The following SDK2 variants were observed in gnomAD, a reference collection of about 807,000 sequenced individuals.
SDK2 encodes protein sidekick-2.
SDK2 carries 105 observed loss-of-function variants against 253.9 expected under a neutral mutation model. That is an observed-to-expected ratio of 0.41 (90% CI 0.35 to 0.49). The LOEUF is 0.49. SDK2 is among the 20% of genes least tolerant of loss of function. The pLI, the probability that SDK2 is intolerant of heterozygous loss-of-function variation, is 0.06. For synonymous variants in SDK2, 1,249 were observed against 1,234.9 expected, an observed-to-expected ratio of 1.01 and a Z score of -0.24; for missense variants, 2,608 against 3,003.0, an observed-to-expected ratio of 0.87 and a Z score of 3.07.
At chr17:73,606,951 A>G (rs1167028411) in intron 1 of SDK2, among the ~76,000 whole-genome samples, 1 of 152,140 alleles carries the variant, frequency 6.6e-6, no homozygotes, top group African/African-American at 2.4e-5. Context: ...CAAGATGGAA[A>G]AGCATTGGAA....
chr17:73,436,533 T>G (rs892868708), intron 8 of SDK2, among the ~76,000 whole-genome samples: 16 of 135,626 alleles, frequency 1.2e-4, no homozygotes, highest in African/African-American at 4.3e-4. Flanking sequence ...GCCAAGATCG[T>G]GCCACTGCAC....
At position 73,352,594 on chromosome 17, in the gene SDK2, C is replaced by T. The variant is rs1172353927; in HGVS notation, c.5637G>A (p.Glu1879=). 2 of 1,614,020 alleles carry T rather than the reference C, an allele frequency of 1.2e-6. No individual in the cohort carries two copies. Among genetic ancestry groups the T allele is most frequent in the Non-Finnish European group, 1.7e-6 (2 of 1,179,894 alleles). ...CCATGCTGAACGTGTAGGAGCTCACCTCCTTGGGGATGTCTTTGATGAGGA... is the reference window on the plus strand; with the variant it reads ...CCATGCTGAACGTGTAGGAGCTCACTTCCTTGGGGATGTCTTTGATGAGGA... The part of the protein sequence containing the change: ...WDILIKDIPK[E]VSSYTFSMDI... The change falls in exon 41 of 45, where the codon GAG becomes GAA. Residue 1879 remains glutamate (E), a synonymous_variant. Transcript: ENST00000392650. This position sits in a 1 kb window ranked among gnomAD's most constrained non-coding sequence, Gnocchi z 4.1.
intron 1 of SDK2, among the ~76,000 whole-genome samples, chr17:73,555,375 G>A (rs966293177): frequency 5.6e-4 from 85 of 152,356 alleles, no homozygotes; most frequent in Non-Finnish European, 1.5e-4. Context: ...CATGTGAATG[G>A]GAGTATTCCT....
intron 31 of SDK2, 145 bp from the exon 32 acceptor site, chr17:73,386,062 A>C: frequency 1.7e-6 from 1 of 600,496 alleles, no homozygotes; most frequent in South Asian, 2.0e-5. Flanking sequence ...CGATTTCTGC[A>C]GAACAAAGGG....
Position 73,379,110 on chromosome 17 carries a change from T to C in SDK2, c.4980+67A>G. On this transcript the variant is annotated intron_variant, in intron 36 of 44. Coordinates refer to ENST00000392650, the MANE Select transcript of SDK2 (RefSeq NM_001144952.2). The surrounding 1 kb of genome is among the most constrained non-coding windows in gnomAD (Gnocchi z 4.5). Reference sequence around the variant, plus strand: ...GACCTGCCTGCCTCCCACATATCACTCACTCCCCAGCCTCCGACCTGGCTT... The same window carrying C: ...GACCTGCCTGCCTCCCACATATCACCCACTCCCCAGCCTCCGACCTGGCTT... 1 of 1,216,374 alleles carries C rather than the reference T, an allele frequency of 8.2e-7. No individual in the cohort carries two copies. Among genetic ancestry groups the C allele is most frequent in the East Asian group, 2.6e-5 (1 of 38,828 alleles). The allele number at this position is 1,216,374 out of a possible 1,614,324, so 75.3% of individuals were successfully genotyped here. A position where few individuals can be genotyped will look rare whatever the true frequency, so the allele number is the denominator to read the frequency against.
At chr17:73,536,185 C>G (rs1165781474) in intron 1 of SDK2, among the ~76,000 whole-genome samples, 1 of 152,142 alleles carries the variant, frequency 6.6e-6, no homozygotes, top group East Asian at 1.9e-4. Context: ...TATAGCAGGT[C>G]TGGGTGGGCC....
intron 1 of SDK2, among the ~76,000 whole-genome samples, chr17:73,607,452 G>A (rs978037995): frequency 7.9e-5 from 12 of 152,106 alleles, no homozygotes; most frequent in South Asian, 2.1e-4. Context: ...GGGATCTACC[G>A]GGGGACCCTT....
At chr17:73,552,673 C>T (rs543877557) in intron 1 of SDK2, among the ~76,000 whole-genome samples, 14 of 152,288 alleles carry the variant, frequency 9.2e-5, no homozygotes, top group South Asian at 2.1e-4. Context: ...TGGCAGGATA[C>T]GGGGGAACAG....
At chr17:73,359,655 TC>T (rs1294908225) in intron 39 of SDK2, among the ~76,000 whole-genome samples, 1 of 152,144 alleles carries the variant, frequency 6.6e-6, no homozygotes, top group Non-Finnish European at 1.5e-5. Context: ...CTTCTTTATT[TC>T]TTTTTTTGAG....
chr17:73,463,860 C>G (rs2063580344), intron 3 of SDK2, among the ~76,000 whole-genome samples: 1 of 152,164 alleles, frequency 6.6e-6, no homozygotes, highest in African/African-American at 2.4e-5. Flanking sequence ...CTAAGAGAAT[C>G]TCTAAGGTAT....
intron 1 of SDK2, among the ~76,000 whole-genome samples, chr17:73,573,238 G>A (rs912346343): frequency 6.6e-6 from 1 of 152,206 alleles, no homozygotes; most frequent in Non-Finnish European, 1.5e-5. Flanking sequence ...GTGGGTGCAC[G>A]AGGTGGCTCG....
chr17:73,355,365 G>T (rs1178470339), intron 40 of SDK2, among the ~76,000 whole-genome samples: 1 of 146,826 alleles, frequency 6.8e-6, no homozygotes, highest in African/African-American at 2.5e-5. Context: ...TATTTATTTA[G>T]AGACAGAGTC....
At chr17:73,625,216 C>T (rs1292686013) in intron 1 of SDK2, among the ~76,000 whole-genome samples, 2 of 152,154 alleles carry the variant, frequency 1.3e-5, no homozygotes, top group African/African-American at 4.8e-5. Context: ...AAGCAGGCAC[C>T]AGGGCGCGAG....
At chr17:73,611,306 G>T (rs1213263593) in intron 1 of SDK2, among the ~76,000 whole-genome samples, 2 of 152,168 alleles carry the variant, frequency 1.3e-5, no homozygotes, top group Non-Finnish European at 2.9e-5. Context: ...TCCTTTCCTG[G>T]CACTTTCTAC....
At position 73,618,718 on chromosome 17, in the gene SDK2, G is replaced by A. The variant is rs114435023; in HGVS notation, c.64+25307C>T. Reference sequence around the variant, plus strand: ...TTAGACAGGCAACTTCCTATTCCCCGATCACCCCTGCCATCCTCACGGCCA... The same window carrying A: ...TTAGACAGGCAACTTCCTATTCCCCAATCACCCCTGCCATCCTCACGGCCA... On this transcript the variant is annotated intron_variant, in intron 1 of 44. Coordinates refer to ENST00000392650, the MANE Select transcript of SDK2 (RefSeq NM_001144952.2). The surrounding 1 kb of genome is among the most constrained non-coding windows in gnomAD (Gnocchi z 4.1). Among the ~76,000 whole-genome samples the A allele has an allele frequency of 8.7e-3, 1,321 of 152,228 alleles. 9 individuals are homozygous for A. The highest frequency in any genetic ancestry group is 0.028 in the African/African-American group (1,162 of 41,534).
Position 73,350,737 on chromosome 17 carries a change from G to A in SDK2, c.5812C>T (p.Leu1938=), listed in dbSNP as rs978695707. 1.1e-5 allele frequency: 17 copies of A among 1,613,326 alleles called. No homozygotes were observed. Among genetic ancestry groups the A allele is most frequent in the East Asian group, 6.7e-5 (3 of 44,890 alleles). The part of the protein sequence containing the change: ...EEWWFLVVIA[L]VGLIFILLLV... ...AGCAGGATGAAGATGAGGCCGACCA[G>A]GGCAATGACCACCAAGAACCACCAC... Residue 1938 remains leucine, a synonymous_variant, in exon 42 of 45, where the codon CTG becomes TTG. Transcript: ENST00000392650.
chr17:73,626,068 C>T (rs540946653), intron 1 of SDK2, among the ~76,000 whole-genome samples: 4 of 143,732 alleles, frequency 2.8e-5, no homozygotes, highest in African/African-American at 4.9e-5. Flanking sequence ...GAGCACTGAG[C>T]GAGACAGAGC....
rs534762701 is a variant in SDK2, at chr17:73,612,374, C to A, written c.64+31651G>T. Among the ~76,000 whole-genome samples, 155 of 151,488 alleles carry A rather than the reference C, an allele frequency of 1.0e-3. 1 individual carries two copies. Among genetic ancestry groups the A allele is most frequent in the African/African-American group, 3.7e-3 (151 of 41,274 alleles). On this transcript the variant is annotated intron_variant, in intron 1 of 44. Coordinates refer to ENST00000392650, the MANE Select transcript of SDK2 (RefSeq NM_001144952.2). The surrounding 1 kb of genome is among the most constrained non-coding windows in gnomAD (Gnocchi z 4.4). Reference sequence around the variant, plus strand: ...GGGCTGCAGGCTGGCCCCGCACAGTCCCCACCCTCACCGGGTCCCTGTGGC... The same window carrying A: ...GGGCTGCAGGCTGGCCCCGCACAGTACCCACCCTCACCGGGTCCCTGTGGC...
In SDK2 at chr17:73,447,009, C is replaced by T. The variant is rs539499982; in HGVS notation, c.613+606G>A. On this transcript the variant is annotated intron_variant, in intron 5 of 44. Coordinates refer to ENST00000392650, the MANE Select transcript of SDK2 (RefSeq NM_001144952.2). This position sits in a 1 kb window ranked among gnomAD's most constrained non-coding sequence, Gnocchi z 4.0. The stretch of plus-strand genomic sequence containing the variant: ...GCCAAAGCACACCAAGGGAATCACG[C>T]TTTTGTGTGTGTCTCACTGTGTGGT... Among the ~76,000 whole-genome samples, 1 of 152,188 alleles carries T rather than the reference C, an allele frequency of 6.6e-6. No individual in the cohort carries two copies. The highest frequency in any genetic ancestry group is 1.5e-5 in the Non-Finnish European group (1 of 68,036).
Sources: allele counts gnomAD v4.1 joint callset (sites outside exome capture counted in the v4.1 genomes callset), GRCh38; gene constraint gnomAD v4.1.1; non-coding constraint Gnocchi (gnomAD v3.1); transcripts MANE v1.5; gene names NCBI Gene and HGNC (gene_info 2026-07-23, HGNC 2026-07-21).